The following DZIP1 variants were observed in gnomAD, a reference collection of about 807,000 sequenced individuals.
The protein encoded by DZIP1 is DAZ interacting zinc finger protein 1.
Under a neutral mutation model 107.6 loss-of-function variants are expected in DZIP1, and 97 were observed. The ratio of observed to expected loss-of-function variants is 0.90; its 90% CI spans 0.77 to 1.07. The LOEUF is 1.07. Among genes scored for constraint, DZIP1 ranks in the 50% least tolerant of loss-of-function variants. DZIP1 has a pLI of 0.00. For synonymous variants in DZIP1, 390 were observed against 386.4 expected, an observed-to-expected ratio of 1.01 and a Z score of -0.11; for missense variants, 1,035 against 1,063.6, an observed-to-expected ratio of 0.97 and a Z score of 0.37.
chr13:95,601,742 C>T (rs1218172555), intron 14 of DZIP1, among the ~76,000 whole-genome samples: 1 of 152,208 alleles, frequency 6.6e-6, no homozygotes, highest in Non-Finnish European at 1.5e-5. Flanking sequence ...TGATGCCTGC[C>T]TACTGGCACT....
chr13:95,599,428 T>A lies in DZIP1; in HGVS notation c.1478-4A>T. On this transcript the variant is annotated splice_polypyrimidine_tract_variant and splice_region_variant and intron_variant, in intron 14 of 22. Coordinates refer to ENST00000376829, the MANE Select transcript of DZIP1 (RefSeq NM_198968.4). The stretch of plus-strand genomic sequence containing the variant: ...ATGTGCGACGAGAATGCCTGTTCTA[T>A]TAACAAGGAAAAATAAGAACAGTAC... 1.9e-6 allele frequency: 3 copies of A among 1,612,456 alleles called. No homozygotes were observed. The highest frequency in any genetic ancestry group is 2.5e-6 in the Non-Finnish European group (3 of 1,178,626).
chr13:95,642,039 C>G lies in DZIP1; in HGVS notation c.-10G>C. The G allele has an allele frequency of 6.4e-7, 1 of 1,566,636 alleles. No homozygotes were observed. Among genetic ancestry groups the G allele is most frequent in the Non-Finnish European group, 8.6e-7 (1 of 1,162,294 alleles). On this transcript the variant is annotated 5_prime_UTR_variant, in exon 4 of 23. Coordinates refer to ENST00000376829, the MANE Select transcript of DZIP1 (RefSeq NM_198968.4). ...CTGCCTCAGCTTGCATAGGAGGAGC[C>G]GGGCGGTCTTTACCCAGCCTGGGCC...
Position 95,630,687 on chromosome 13 carries a change from G to A in DZIP1, c.686-574C>T, listed in dbSNP as rs536021623. 1.7e-5 allele frequency: 21 copies of A among 1,208,370 alleles called. No individual in the cohort carries two copies. The Admixed American group carries it at 4.2e-4, about 24-fold the overall frequency. 74.9% of individuals were successfully genotyped at this position (1,208,370 alleles called of 1,614,324 possible). A position where few individuals can be genotyped will look rare whatever the true frequency, so the allele number is the denominator to read the frequency against. On this transcript the variant is annotated intron_variant, in intron 6 of 22. Coordinates refer to ENST00000376829, the MANE Select transcript of DZIP1 (RefSeq NM_198968.4). The stretch of plus-strand genomic sequence containing the variant: ...TGTAAAAGGAAGCAACAAGTGAAAG[G>A]AAGAATACTTATGTACATGTACTTA...
At position 95,594,081 on chromosome 13, in the gene DZIP1, C is replaced by A; in HGVS notation, c.1543G>T (p.Glu515Ter). The A allele has an allele frequency of 1.9e-6, 3 of 1,593,876 alleles. No individual in the cohort carries two copies. The highest frequency in any genetic ancestry group is 2.6e-6 in the Non-Finnish European group (3 of 1,171,744). Residue 515 changes from glutamate (E) to a stop codon, truncating the protein, a stop_gained, in exon 16 of 23, where the codon GAA becomes TAA. Coordinates refer to ENST00000376829, the MANE Select transcript of DZIP1 (RefSeq NM_198968.4). LOFTEE classifies it high-confidence loss of function. ...EELSEEEKGR[E>*]NEQKLNNNKM... is the part of the protein sequence containing the mutation. The stretch of plus-strand genomic sequence containing the variant: ...TTGTTATTTAATTTCTGTTCATTTT[C>A]CCTTCCTGAAATAAGGTTTTAAAAA...
At chr13:95,590,747 G>A (rs1174150857) in intron 16 of DZIP1, among the ~76,000 whole-genome samples, 2 of 152,248 alleles carry the variant, frequency 1.3e-5, no homozygotes, top group East Asian at 3.8e-4. Flanking sequence ...CCAGTGGCCA[G>A]AGAAGGCTGA....
At chr13:95,615,313 G>A (rs1874915727) in intron 10 of DZIP1, among the ~76,000 whole-genome samples, 1 of 152,202 alleles carries the variant, frequency 6.6e-6, no homozygotes, top group Non-Finnish European at 1.5e-5. Context: ...CTTTAAAGGA[G>A]CCAGGATTTT....
chr13:95,640,943 T>G (rs764624533), intron 5 of DZIP1, among the ~76,000 whole-genome samples: 1 of 152,302 alleles, frequency 6.6e-6, no homozygotes, highest in African/African-American at 2.4e-5. Flanking sequence ...CCCTACAAAT[T>G]TAAACATTCT....
chr13:95,634,898 AATT>A (rs1182942887), intron 5 of DZIP1, among the ~76,000 whole-genome samples: 2 of 152,208 alleles, frequency 1.3e-5, no homozygotes, highest in Non-Finnish European at 2.9e-5. Context: ...GTTTTGGAAT[AATT>A]ATTAATAACT....
intron 10 of DZIP1, 97 bp downstream of exon 10, chr13:95,619,788 A>C: frequency 8.0e-7 from 1 of 1,250,164 alleles, no homozygotes; most frequent in Non-Finnish European, 1.1e-6. Context: ...TTCTCCCCAA[A>C]TGTTATTAAG....
At chr13:95,616,734 C>A (rs988807088) in intron 10 of DZIP1, among the ~76,000 whole-genome samples, 4 of 152,188 alleles carry the variant, frequency 2.6e-5, no homozygotes, top group Admixed American at 1.3e-4. Context: ...CTGGTGTACA[C>A]CCCCTGTGTG....
intron 15 of DZIP1, among the ~76,000 whole-genome samples, chr13:95,598,455 CAATT>C (rs1369992386): frequency 1.3e-4 from 19 of 151,960 alleles, no homozygotes; most frequent in African/African-American, 4.6e-4. Flanking sequence ...CTGATGTAGT[CAATT>C]CTCAATTTGT....
intron 7 of DZIP1, among the ~76,000 whole-genome samples, chr13:95,627,218 C>A (rs1876645685): frequency 1.3e-5 from 2 of 152,144 alleles, no homozygotes; most frequent in South Asian, 4.1e-4. Context: ...CATCTATGGT[C>A]AACTGATCTT....
At chr13:95,620,944 A>G (rs1875753504) in intron 9 of DZIP1, among the ~76,000 whole-genome samples, 1 of 152,220 alleles carries the variant, frequency 6.6e-6, no homozygotes, top group South Asian at 2.1e-4. Context: ...TTCCTACCAT[A>G]TACCAGGCAC....
rs1260117875 is a variant in DZIP1, at chr13:95,641,439, C to A, written c.453G>T (p.Leu151=). 1 of 1,614,152 alleles carries A rather than the reference C, an allele frequency of 6.2e-7. No individual in the cohort carries two copies. Among genetic ancestry groups the A allele is most frequent in the South Asian group, 1.1e-5 (1 of 91,082 alleles). ...QLHTLEERLR[L]SHCDGEQSKK... ...TGCTCTGCTCGCCGTCGCAGTGGCT[C>A]AGGCGCAGCCGCTCCTCCAGGGTGT... The change falls in exon 5 of 23, where the codon CTG becomes CTT. Residue 151 remains leucine, a synonymous_variant. Transcript: ENST00000376829. The surrounding 1 kb of genome is among the most constrained non-coding windows in gnomAD (Gnocchi z 4.3).
chr13:95,587,890 G>A (rs1401902306), intron 19 of DZIP1, 161 bp from the exon 20 acceptor site: 7 of 810,426 alleles, frequency 8.6e-6, no homozygotes, highest in Non-Finnish European at 1.9e-6. Flanking sequence ...CGAGGCCAGA[G>A]GTTATACCCA....
intron 20 of DZIP1, among the ~76,000 whole-genome samples, chr13:95,586,890 T>C (rs1179942107): frequency 1.3e-5 from 2 of 152,180 alleles, no homozygotes; most frequent in African/African-American, 4.8e-5. Context: ...CCTTTAGTAT[T>C]ACTCCAGCTC....
intron 10 of DZIP1, among the ~76,000 whole-genome samples, chr13:95,615,352 A>G (rs1289700046): frequency 2.0e-5 from 3 of 152,192 alleles, no homozygotes; most frequent in Non-Finnish European, 2.9e-5. Context: ...CCGATTAATA[A>G]AGAAACCTGA....
intron 3 of DZIP1, among the ~76,000 whole-genome samples, chr13:95,642,697 G>A (rs982818996): frequency 3.9e-5 from 6 of 152,034 alleles, no homozygotes; most frequent in Non-Finnish European, 8.8e-5. Flanking sequence ...ATATACACTT[G>A]GCCAAATTCA....
At chr13:95,596,108 G>T (rs1304741039) in intron 15 of DZIP1, among the ~76,000 whole-genome samples, 2 of 152,084 alleles carry the variant, frequency 1.3e-5, no homozygotes, top group Non-Finnish European at 2.9e-5. Context: ...CAAGGGTGGG[G>T]CTGGCCAATG....
Sources: gnomAD v4.1 joint callset for allele counts (sites outside exome capture counted in the v4.1 genomes callset) on GRCh38, gnomAD v4.1.1 for gene constraint, Gnocchi (gnomAD v3.1) non-coding constraint, MANE v1.5 for transcripts, NCBI Gene and HGNC (gene_info 2026-07-23, HGNC 2026-07-21) for gene names.